The following GPC6 variants were observed in gnomAD, a reference collection of about 807,000 sequenced individuals.
The protein encoded by GPC6 is glypican-6.
A neutral mutation model predicts 55.2 loss-of-function variants in GPC6; 14 were observed. That is an observed-to-expected ratio of 0.25 (90% CI 0.17 to 0.40). The LOEUF is 0.40. Among genes scored for constraint, GPC6 ranks in the 10% least tolerant of loss-of-function variants. The probability of loss-of-function intolerance (pLI) is 1.00; values close to 1 mark genes in which losing one functional copy is unlikely to be tolerated. For missense variants in GPC6, 641 were observed against 708.5 expected (o/e 0.90, Z 1.08); for synonymous variants, 278 against 259.6 (o/e 1.07, Z -0.68).
intron 7 of GPC6, among the ~76,000 whole-genome samples, chr13:94,391,938 C>G (rs1880664586): frequency 6.6e-6 from 1 of 152,134 alleles, no homozygotes; most frequent in African/African-American, 2.4e-5. Flanking sequence ...CTATAATGTC[C>G]TCAAGGTTCA....
At chr13:93,472,546 C>T (rs2139330287) in intron 1 of GPC6, among the ~76,000 whole-genome samples, 1 of 152,334 alleles carries the variant, frequency 6.6e-6, no homozygotes, top group Non-Finnish European at 1.5e-5. Flanking sequence ...AGCTTCCCTG[C>T]CTGGCACTGG....
At chr13:94,400,039 A>C (rs1295986076) in intron 8 of GPC6, among the ~76,000 whole-genome samples, 1 of 152,224 alleles carries the variant, frequency 6.6e-6, no homozygotes, top group Non-Finnish European at 1.5e-5. Flanking sequence ...TGACCTAAAG[A>C]GGTTATGCAC....
In GPC6 at chr13:93,693,067, T is replaced by C. The variant is rs545176467; in HGVS notation, c.320-137087T>C. 4.3e-4 allele frequency among the ~76,000 whole-genome samples: 65 copies of C among 152,274 alleles called. 1 individual carries two copies. The highest frequency in any genetic ancestry group is 1.5e-3 in the African/African-American group (61 of 41,572). On this transcript the variant is annotated intron_variant, in intron 2 of 8. Transcript: ENST00000377047. Reference sequence around the variant, plus strand: ...AAGGACTATGTAATAAATAGCAAGATAGAGGAGAGGAAATTTCTGGCCTCT... The same window carrying C: ...AAGGACTATGTAATAAATAGCAAGACAGAGGAGAGGAAATTTCTGGCCTCT...
chr13:93,481,543 T>C (rs1879520872), intron 1 of GPC6, among the ~76,000 whole-genome samples: 1 of 152,120 alleles, frequency 6.6e-6, no homozygotes, highest in Non-Finnish European at 1.5e-5. Context: ...ATATGAGTGT[T>C]TATAGTTTTA....
At chr13:93,498,059 G>T (rs1314865186) in intron 1 of GPC6, among the ~76,000 whole-genome samples, 1 of 152,168 alleles carries the variant, frequency 6.6e-6, no homozygotes, top group South Asian at 2.1e-4. Flanking sequence ...TAGACCAGTT[G>T]CCCCAGGTGG....
At chr13:93,396,478 G>A (rs1875862392) in intron 1 of GPC6, among the ~76,000 whole-genome samples, 2 of 152,112 alleles carry the variant, frequency 1.3e-5, no homozygotes, top group African/African-American at 2.4e-5. Context: ...CAGGAGAATC[G>A]CTTGAACCCG....
intron 6 of GPC6, among the ~76,000 whole-genome samples, chr13:94,327,388 C>T (rs953714009): frequency 8.5e-5 from 13 of 152,078 alleles, no homozygotes; most frequent in African/African-American, 3.1e-4. Flanking sequence ...TCTTTCCCAG[C>T]TCTTCTCTTC....
Position 94,112,657 on chromosome 13 carries a change from T to C in GPC6, c.877+84763T>C, listed in dbSNP as rs976543956. ...TGCTTTGCTGCATATTTTTAAGGTG[T>C]TATTTTTTTGTTAAGCATCAGTGCT... is the stretch of plus-strand genomic sequence containing the variant. On this transcript the variant is annotated intron_variant, in intron 4 of 8. Transcript: ENST00000377047. Among the ~76,000 whole-genome samples the C allele has an allele frequency of 2.2e-4, 33 of 152,172 alleles. 1 individual carries two copies. Among genetic ancestry groups the C allele is most frequent in the Non-Finnish European group, 7.4e-5 (5 of 68,022 alleles).
chr13:93,614,135 C>T (rs1253149290), intron 2 of GPC6, among the ~76,000 whole-genome samples: 1 of 152,110 alleles, frequency 6.6e-6, no homozygotes, highest in Non-Finnish European at 1.5e-5. Context: ...TATCGGAAAC[C>T]ATGTCAGAAG....
In GPC6 at chr13:94,332,172, T is replaced by C. The variant is rs538967527; in HGVS notation, c.1152+26049T>C. ...AAAAATTTAATTTTTTCTTTTATAATTCTTTTGGGCCCCTTTTCTCATCCT... is the reference window on the plus strand; with the variant it reads ...AAAAATTTAATTTTTTCTTTTATAACTCTTTTGGGCCCCTTTTCTCATCCT... On this transcript the variant is annotated intron_variant, in intron 6 of 8. Coordinates refer to ENST00000377047, the MANE Select transcript of GPC6 (RefSeq NM_005708.5). Among the ~76,000 whole-genome samples the C allele has an allele frequency of 8.5e-5, 13 of 152,362 alleles. No homozygotes were observed. The South Asian group carries it at 2.7e-3, about 32-fold the overall frequency.
Position 93,517,168 on chromosome 13 carries a change from A to G in GPC6, c.161-28095A>G, listed in dbSNP as rs376678822. ...AATAAGGCAACAAGAATCACCTGAT[A>G]CTTTTCCTCTTGTACCTTGTGTCTC... On this transcript the variant is annotated intron_variant, in intron 1 of 8. Coordinates refer to ENST00000377047, the MANE Select transcript of GPC6 (RefSeq NM_005708.5). Among the ~76,000 whole-genome samples the G allele has an allele frequency of 6.6e-5, 10 of 152,294 alleles. No homozygotes were observed. In the East Asian group the frequency reaches 1.9e-3, roughly 29 times the overall value.
rs1881264240 is a variant in GPC6, at chr13:94,403,937, T to A, written c.*720T>A. On this transcript the variant is annotated 3_prime_UTR_variant, in exon 9 of 9. Coordinates refer to ENST00000377047, the MANE Select transcript of GPC6 (RefSeq NM_005708.5). ...TCTGTCTTACTCTGCCCAATTTCAATTTAGTAATGGCACCATTATTCTTAA... is the reference window on the plus strand; with the variant it reads ...TCTGTCTTACTCTGCCCAATTTCAAATTAGTAATGGCACCATTATTCTTAA... 1 of 153,296 alleles carries A rather than the reference T, an allele frequency of 6.5e-6. No homozygotes were observed. Among genetic ancestry groups the A allele is most frequent in the Non-Finnish European group, 1.5e-5 (1 of 68,808 alleles). The allele number at this position is 153,296 out of a possible 1,614,324, so 9.5% of individuals were successfully genotyped here.
rs757317085 is a variant in GPC6, at chr13:94,312,735, C to CACACACACACACACAT, written c.1152+6619_1152+6620insCACACACATACACACA. On this transcript the variant is annotated intron_variant, in intron 6 of 8. Transcript: ENST00000377047. ...ACACGCGCACGCACACACACACACA[C>CACACACACACACACAT]ACACACATGCACTCACCCTCAGTCT... 8.4e-3 allele frequency among the ~76,000 whole-genome samples: 1,179 copies of CACACACACACACACAT among 140,642 alleles called. 15 individuals carry two copies. Among genetic ancestry groups the CACACACACACACACAT allele is most frequent in the Middle Eastern group, 0.018 (5 of 278 alleles). The allele number at this position is 140,642 out of a possible 152,430, so 92.3% of individuals were successfully genotyped here. A position where few individuals can be genotyped will look rare whatever the true frequency, so the allele number is the denominator to read the frequency against.
rs541544515 is a variant in GPC6 at position 93,295,466 on chromosome 13, T to TTTTTG, written c.160+67870_160+67874dup. Among the ~76,000 whole-genome samples the TTTTTG allele has an allele frequency of 1.7e-3, 251 of 151,698 alleles. 2 individuals carry two copies. Among genetic ancestry groups the TTTTTG allele is most frequent in the Non-Finnish European group, 7.7e-4 (52 of 67,864 alleles). Reference sequence around the variant, plus strand: ...GCAAGTTCTCTGTCTGTCTCTGTGGTTTTTGTTTTGTTTTGTTTTGTTTTT... The same window carrying TTTTTG: ...GCAAGTTCTCTGTCTGTCTCTGTGGTTTTTGTTTTGTTTTGTTTTGTTTTGTTTTT... On this transcript the variant is annotated intron_variant, in intron 1 of 8. Coordinates refer to ENST00000377047, the MANE Select transcript of GPC6 (RefSeq NM_005708.5).
Position 94,398,527 on chromosome 13 carries a change from G to A in GPC6, c.1351G>A (p.Val451Met). 6.2e-7 allele frequency: 1 copy of A among 1,613,352 alleles called. No individual in the cohort carries two copies. The highest frequency in any genetic ancestry group is 8.5e-7 in the Non-Finnish European group (1 of 1,179,220). ...TNQINNPEVD[V>M]DITRPDTFIR... ...CCAGATCAACAATCCCGAGGTGGAT[G>A]TGGACATCACTCGGCCTGACACTTT... The change falls in exon 8 of 9, where the codon GTG becomes ATG. Residue 451 changes from valine to methionine, a missense_variant. By Grantham distance (21) the Val-to-Met change is conservative. Transcript: ENST00000377047.
At chr13:93,425,216 C>T (rs1877078929) in intron 1 of GPC6, among the ~76,000 whole-genome samples, 1 of 151,920 alleles carries the variant, frequency 6.6e-6, no homozygotes. Context: ...TACTTTTTGC[C>T]TCAGCTTTTA....
intron 2 of GPC6, among the ~76,000 whole-genome samples, chr13:93,674,172 G>T (rs1347578952): frequency 6.6e-6 from 1 of 152,100 alleles, no homozygotes; most frequent in East Asian, 1.9e-4. Flanking sequence ...TCATCAGGCT[G>T]CGTGTGGTAG....
chr13:93,298,858 C>G (rs1878583173), intron 1 of GPC6, among the ~76,000 whole-genome samples: 1 of 151,230 alleles, frequency 6.6e-6, no homozygotes, highest in African/African-American at 2.4e-5. Context: ...AAAGCAGATG[C>G]AATCCCTTCC....
At chr13:93,825,416 G>A (rs1378440992) in intron 2 of GPC6, among the ~76,000 whole-genome samples, 3 of 152,218 alleles carry the variant, frequency 2.0e-5, no homozygotes, top group Non-Finnish European at 2.9e-5. Flanking sequence ...ACAAGCTGCA[G>A]CTTGCAAAGG....
Sources: gnomAD v4.1 joint callset for allele counts (sites outside exome capture counted in the v4.1 genomes callset) on GRCh38, gnomAD v4.1.1 for gene constraint, MANE v1.5 for transcripts, NCBI Gene and HGNC (gene_info 2026-07-23, HGNC 2026-07-21) for gene names.